The following TBC1D1 variants were observed in gnomAD, a reference collection of about 807,000 sequenced individuals.
The protein encoded by TBC1D1 is TBC1 domain family member 1.
TBC1D1 carries 89 observed loss-of-function variants against 125.6 expected under a neutral mutation model. That is an observed-to-expected ratio of 0.71 (90% CI 0.60 to 0.85). The LOEUF is 0.85. TBC1D1 is among the 40% of genes least tolerant of loss of function. The pLI, the probability that TBC1D1 is intolerant of heterozygous loss-of-function variation, is 0.00. For missense variants in TBC1D1, 1,377 were observed against 1,469.2 expected (o/e 0.94, Z 1.03); for synonymous variants, 565 against 564.1 (o/e 1.00, Z -0.02).
At chr4:37,970,587 C>G (rs541292978) in intron 2 of TBC1D1, among the ~76,000 whole-genome samples, 2 of 152,186 alleles carry the variant, frequency 1.3e-5, no homozygotes, top group African/African-American at 4.8e-5. Flanking sequence ...GGGAACTCAT[C>G]GAAGCTTCAC....
intron 2 of TBC1D1, among the ~76,000 whole-genome samples, chr4:37,946,877 A>T (rs1235191822): frequency 6.6e-6 from 1 of 152,184 alleles, no homozygotes; most frequent in Non-Finnish European, 1.5e-5. Context: ...AGAAAGGAAA[A>T]TGCATGTCCA....
chr4:37,906,150 C>A (rs1260026050), intron 2 of TBC1D1, among the ~76,000 whole-genome samples: 1 of 146,332 alleles, frequency 6.8e-6, no homozygotes, highest in African/African-American at 2.8e-5. Context: ...CCTTCTTTTT[C>A]TTTTCCCCCC....
chr4:38,060,655 GA>G, intron 12 of TBC1D1: 1 of 1,289,000 alleles, frequency 7.8e-7, no homozygotes, highest in Non-Finnish European at 1.0e-6. Flanking sequence ...GGCCTGTACT[GA>G]AGGTAAAGCA....
intron 8 of TBC1D1, among the ~76,000 whole-genome samples, chr4:38,039,339 G>A (rs1747900116): frequency 6.6e-6 from 1 of 151,640 alleles, no homozygotes. Context: ...TGATGGTCTC[G>A]ATCTCCTGAC....
intron 2 of TBC1D1, among the ~76,000 whole-genome samples, chr4:37,979,617 A>C (rs894825857): frequency 1.3e-5 from 2 of 152,244 alleles, no homozygotes; most frequent in Non-Finnish European, 2.9e-5. Flanking sequence ...ACAGCTGCAC[A>C]TGAGCACAGG....
At chr4:37,985,118 A>C (rs1464334741) in intron 2 of TBC1D1, among the ~76,000 whole-genome samples, 4 of 151,578 alleles carry the variant, frequency 2.6e-5, no homozygotes, top group African/African-American at 9.7e-5. Context: ...ATGCCTGGCT[A>C]ATTTTTTTGT....
intron 1 of TBC1D1, 149 bp downstream of exon 1, chr4:37,891,497 CG>C (rs1399461514): frequency 6.6e-6 from 1 of 151,796 alleles, no homozygotes; most frequent in Non-Finnish European, 1.5e-5. Flanking sequence ...CAGGGTCTCT[CG>C]GGGGAGGAAG....
At position 37,902,428 on chromosome 4, in the gene TBC1D1, A is replaced by C. The variant is rs767927414; in HGVS notation, c.333A>C (p.Pro111=). 1.2e-6 allele frequency: 2 copies of C among 1,614,028 alleles called. No individual in the cohort carries two copies. Among genetic ancestry groups the C allele is most frequent in the Admixed American group, 3.3e-5 (2 of 60,000 alleles). ...AACTGATTCACAACAGTCATGACCC[A>C]AGTTACTTTGCTTGTCTGATTAAGG... is the stretch of plus-strand genomic sequence containing the variant. Residue 111 remains proline, a synonymous_variant, in exon 2 of 20, where the codon CCA becomes CCC. Coordinates refer to ENST00000261439, the MANE Select transcript of TBC1D1 (RefSeq NM_015173.4).
At chr4:37,925,435 C>G (rs527745535) in intron 2 of TBC1D1, among the ~76,000 whole-genome samples, 113 of 152,064 alleles carry the variant, frequency 7.4e-4, no homozygotes, top group Non-Finnish European at 7.1e-4. Flanking sequence ...AAAAATGATA[C>G]GACTGGTTGT....
At chr4:37,922,742 A>G (rs946219510) in intron 2 of TBC1D1, among the ~76,000 whole-genome samples, 16 of 152,158 alleles carry the variant, frequency 1.1e-4, no homozygotes, top group African/African-American at 3.9e-4. Context: ...CAGCACCTCT[A>G]TATAGTCCAC....
intron 14 of TBC1D1, among the ~76,000 whole-genome samples, chr4:38,098,955 A>G (rs1759830101): frequency 6.6e-6 from 1 of 152,250 alleles, no homozygotes; most frequent in South Asian, 2.1e-4. Flanking sequence ...ACATAATCCT[A>G]TGACATTATA....
At chr4:38,015,221 C>T (rs1300754784) in intron 3 of TBC1D1, among the ~76,000 whole-genome samples, 18 of 152,088 alleles carry the variant, frequency 1.2e-4, no homozygotes, top group African/African-American at 4.1e-4. Flanking sequence ...GACACCTTTT[C>T]AGTGTGGAAA....
At chr4:38,120,535 C>CT (rs1336832056) in intron 17 of TBC1D1, among the ~76,000 whole-genome samples, 17 of 152,206 alleles carry the variant, frequency 1.1e-4, no homozygotes, top group Non-Finnish European at 1.8e-4. Flanking sequence ...TGGATAAACT[C>CT]TAAAAACATG....
At chr4:37,996,970 A>G (rs942998095) in intron 2 of TBC1D1, among the ~76,000 whole-genome samples, 2 of 152,232 alleles carry the variant, frequency 1.3e-5, no homozygotes, top group Non-Finnish European at 2.9e-5. Context: ...GATTTGGACA[A>G]AGGCACTGTA....
At chr4:38,008,150 TC>T (rs1394544625) in intron 2 of TBC1D1, among the ~76,000 whole-genome samples, 1 of 152,250 alleles carries the variant, frequency 6.6e-6, no homozygotes, top group Non-Finnish European at 1.5e-5. Context: ...GATTGAATAT[TC>T]AGTGATTCCA....
chr4:38,112,952 A>C (rs980041202), intron 15 of TBC1D1, among the ~76,000 whole-genome samples: 5 of 152,152 alleles, frequency 3.3e-5, no homozygotes, highest in Admixed American at 2.0e-4. Flanking sequence ...GAGAAGCTCT[A>C]TGTGGTTCCT....
chr4:37,946,867 A>G (rs1726799735), intron 2 of TBC1D1, among the ~76,000 whole-genome samples: 2 of 152,296 alleles, frequency 1.3e-5, no homozygotes, highest in South Asian at 4.1e-4. Flanking sequence ...TTTACCCAAG[A>G]GAAAGGAAAA....
At chr4:38,054,555 G>A (rs565891911) in intron 12 of TBC1D1, among the ~76,000 whole-genome samples, 93 of 152,272 alleles carry the variant, frequency 6.1e-4, no homozygotes, top group African/African-American at 2.1e-3. Flanking sequence ...CCATAAACAG[G>A]AGCAGAGCTC....
rs199908908 is a variant in TBC1D1, at chr4:37,960,988, A to C, written c.418-53521A>C. 2.5e-6 allele frequency: 4 copies of C among 1,578,460 alleles called. No homozygotes were observed. The Admixed American group carries it at 6.8e-5, about 27-fold the overall frequency. ...AATCTGTTTGCAGTCTCCTTCAAGC[A>C]TTCTGTCGACCCTGGATGTTGAATT... is the stretch of plus-strand genomic sequence containing the variant. On this transcript the variant is annotated intron_variant, in intron 2 of 19. Transcript: ENST00000261439.
Sources: gnomAD v4.1 joint callset for allele counts (sites outside exome capture counted in the v4.1 genomes callset) on GRCh38, gnomAD v4.1.1 for gene constraint, MANE v1.5 for transcripts, NCBI Gene and HGNC (gene_info 2026-07-23, HGNC 2026-07-21) for gene names.